The following ADGRL3 variants were observed in gnomAD, a reference collection of about 807,000 sequenced individuals.
ADGRL3 encodes adhesion G protein-coupled receptor L3, also known as calcium-independent alpha-latrotoxin receptor 3.
Under a neutral mutation model 153.5 loss-of-function variants are expected in ADGRL3, and 62 were observed. The observed-to-expected ratio is 0.40, with a 90% CI of 0.33 to 0.50. ADGRL3 has a LOEUF of 0.50. Among genes scored for constraint, ADGRL3 ranks in the 20% least tolerant of loss-of-function variants. The probability of loss-of-function intolerance (pLI) is 0.47; values close to 1 mark genes in which losing one functional copy is unlikely to be tolerated. For missense variants in ADGRL3, 1,641 were observed against 1,859.4 expected (o/e 0.88, Z 2.16); for synonymous variants, 710 against 672.5 (o/e 1.06, Z -0.86).
chr4:61,491,861 G>T (rs2098261591), intron 2 of ADGRL3, among the ~76,000 whole-genome samples: 1 of 151,958 alleles, frequency 6.6e-6, no homozygotes, highest in African/African-American at 2.4e-5. Flanking sequence ...GAGAAGGCTT[G>T]TTTTGATTTT....
chr4:61,744,619 T>C (rs1457849038), intron 8 of ADGRL3, among the ~76,000 whole-genome samples: 1 of 152,182 alleles, frequency 6.6e-6, no homozygotes, highest in Non-Finnish European at 1.5e-5. Context: ...TGGAGTGGAC[T>C]TCTAGAAAAC....
At chr4:62,043,936 A>C (rs1320742601) in intron 24 of ADGRL3, among the ~76,000 whole-genome samples, 1 of 151,980 alleles carries the variant, frequency 6.6e-6, no homozygotes, top group Admixed American at 6.6e-5. Context: ...TTCCTCTAAA[A>C]GTTATGGAAA....
At chr4:61,813,580 C>T (rs2097654524) in intron 8 of ADGRL3, among the ~76,000 whole-genome samples, 1 of 151,478 alleles carries the variant, frequency 6.6e-6, no homozygotes, top group Non-Finnish European at 1.5e-5. Flanking sequence ...TTTGTAATTT[C>T]ACAACAACAA....
intron 25 of ADGRL3, among the ~76,000 whole-genome samples, chr4:62,054,855 A>T (rs1325034814): frequency 6.6e-6 from 1 of 151,722 alleles, no homozygotes; most frequent in African/African-American, 2.4e-5. Context: ...CTTATAGCGA[A>T]TAAACATATG....
intron 9 of ADGRL3, among the ~76,000 whole-genome samples, chr4:61,876,830 A>G (rs778610771): frequency 1.1e-4 from 16 of 151,504 alleles, no homozygotes; most frequent in Non-Finnish European, 2.2e-4. Flanking sequence ...ATGGACAACC[A>G]GCAGCCCTCG....
chr4:61,664,835 T>G, intron 5 of ADGRL3, among the ~76,000 whole-genome samples: 1 of 152,168 alleles, frequency 6.6e-6, no homozygotes, highest in East Asian at 1.9e-4. Context: ...GAATGTTGTG[T>G]AATATAATGT....
chr4:61,876,846 CTCTG>C (rs1449660630), intron 9 of ADGRL3, among the ~76,000 whole-genome samples: 17 of 150,622 alleles, frequency 1.1e-4, no homozygotes, highest in African/African-American at 3.9e-4. Context: ...CCTCGGGCTG[CTCTG>C]TCTATGGAGT....
chr4:61,772,334 A>C (rs1182162896), intron 8 of ADGRL3, among the ~76,000 whole-genome samples: 2 of 152,152 alleles, frequency 1.3e-5, no homozygotes, highest in Non-Finnish European at 2.9e-5. Context: ...GCAGCCCCAG[A>C]GTTGTTGAGT....
chr4:61,856,602 C>CTTT (rs2098270126), intron 9 of ADGRL3, among the ~76,000 whole-genome samples: 1 of 22,346 alleles, frequency 4.5e-5, no homozygotes, highest in African/African-American at 1.1e-4. Flanking sequence ...CTCTCTCTCT[C>CTTT]TCTTTTTTTT....
chr4:61,992,281 G>A (rs1276251487), intron 19 of ADGRL3, among the ~76,000 whole-genome samples: 6 of 152,164 alleles, frequency 3.9e-5, no homozygotes, highest in African/African-American at 1.4e-4. Context: ...ACCTTAACCA[G>A]TGTTTTTACC....
rs1457456010 is a variant in ADGRL3, at chr4:61,465,775, A to ATATATATATATC, written c.-173-31343_-173-31342insATATATATCTAT. ...TATATATAAATATATATATATATAT[A>ATATATATATATC]TATCTTATATGGAATATATATTTTC... is the stretch of plus-strand genomic sequence containing the variant. On this transcript the variant is annotated intron_variant, in intron 2 of 26. Transcript: ENST00000683033. 2.5e-4 allele frequency among the ~76,000 whole-genome samples: 37 copies of ATATATATATATC among 146,134 alleles called. 1 individual carries two copies. The highest frequency in any genetic ancestry group is 5.1e-4 in the Non-Finnish European group (34 of 66,614).
intron 1 of ADGRL3, among the ~76,000 whole-genome samples, chr4:61,285,259 C>T (rs962795459): frequency 6.6e-6 from 1 of 151,784 alleles, no homozygotes; most frequent in African/African-American, 2.4e-5. Context: ...ATAGATTTAG[C>T]TTACTGCATA....
chr4:61,677,020 A>G, intron 6 of ADGRL3, 85 bp downstream of exon 6: 1 of 873,158 alleles, frequency 1.1e-6, no homozygotes, highest in East Asian at 2.4e-5. Context: ...CTCTATGAAA[A>G]CATAAATCAC....
Position 61,494,653 on chromosome 4 carries a change from C to T in ADGRL3, c.-173-2468C>T, listed in dbSNP as rs562133455. Among the ~76,000 whole-genome samples the T allele has an allele frequency of 1.4e-4, 21 of 152,208 alleles. No homozygotes were observed. In the South Asian group the frequency reaches 4.3e-3, roughly 32 times the overall value. On this transcript the variant is annotated intron_variant, in intron 2 of 26. Transcript: ENST00000683033. ...AAAATGTTGCCATGATTCCTTTTCA[C>T]TTAGTTTCTGTTTTATCTCAACCAA...
At chr4:61,836,548 G>A (rs995259798) in intron 9 of ADGRL3, among the ~76,000 whole-genome samples, 14 of 151,906 alleles carry the variant, frequency 9.2e-5, no homozygotes, top group African/African-American at 3.1e-4. Context: ...AGGACATTAT[G>A]CATTTCTAAA....
chr4:61,757,036 G>T (rs577148960), intron 8 of ADGRL3, among the ~76,000 whole-genome samples: 11 of 152,092 alleles, frequency 7.2e-5, no homozygotes, highest in Non-Finnish European at 1.5e-4. Flanking sequence ...ATTTTATTGA[G>T]GATTTTTGCG....
intron 2 of ADGRL3, among the ~76,000 whole-genome samples, chr4:61,389,715 A>G (rs1025193816): frequency 6.6e-6 from 1 of 152,206 alleles, no homozygotes. Context: ...GTAAAAGCAC[A>G]TTAATTATTC....
chr4:61,935,437 G>A (rs1014131366), intron 14 of ADGRL3, among the ~76,000 whole-genome samples: 6 of 152,202 alleles, frequency 3.9e-5, no homozygotes, highest in East Asian at 3.9e-4. Context: ...TGATAAAACA[G>A]TGTTTGATAA....
At chr4:61,656,220 A>G (rs1377654854) in intron 5 of ADGRL3, among the ~76,000 whole-genome samples, 1 of 152,228 alleles carries the variant, frequency 6.6e-6, no homozygotes, top group Non-Finnish European at 1.5e-5. Flanking sequence ...GTGCTATCAC[A>G]TATTTGTGAC....
Sources: allele counts gnomAD v4.1 joint callset (sites outside exome capture counted in the v4.1 genomes callset), GRCh38; gene constraint gnomAD v4.1.1; transcripts MANE v1.5; gene names NCBI Gene and HGNC (gene_info 2026-07-23, HGNC 2026-07-21).